The following HACE1 variants were observed in gnomAD, a reference collection of about 807,000 sequenced individuals.
HACE1 encodes E3 ubiquitin-protein ligase HACE1.
A neutral mutation model predicts 118.4 loss-of-function variants in HACE1; 73 were observed. That is an observed-to-expected ratio of 0.62 (90% CI 0.51 to 0.75). The LOEUF (loss-of-function observed/expected upper bound fraction) is 0.75, where lower values mean the gene tolerates loss of function less well. HACE1 is among the 30% of genes least tolerant of loss of function. HACE1 has a pLI of 0.00. For synonymous variants in HACE1, 368 were observed against 374.8 expected, an observed-to-expected ratio of 0.98 and a Z score of 0.21; for missense variants, 749 against 1,102.2, an observed-to-expected ratio of 0.68 and a Z score of 4.54.
chr6:104,733,619 G>C (rs1164150897), intron 22 of HACE1, among the ~76,000 whole-genome samples: 1 of 150,664 alleles, frequency 6.6e-6, no homozygotes, highest in Non-Finnish European at 1.5e-5. Flanking sequence ...TTGGGAGGTC[G>C]AGGCTGGTGG....
At chr6:104,852,451 C>T (rs893530059) in intron 1 of HACE1, 80 bp from the exon 2 acceptor site, 5 of 869,076 alleles carry the variant, frequency 5.8e-6, no homozygotes, top group Middle Eastern at 2.4e-4. Flanking sequence ...TAGAATTTTC[C>T]TAACTCTATA....
rs143236851 is a variant in HACE1 at position 104,851,485 on chromosome 6, G to A, written c.132-489C>T. On this transcript the variant is annotated intron_variant, in intron 2 of 23. Coordinates refer to ENST00000262903, the MANE Select transcript of HACE1 (RefSeq NM_020771.4). ...GCTCAGTATCATCCAAAAACCAAAC[G>A]CCTTGACCAATAAGCTGGTGCTGAA... is the stretch of plus-strand genomic sequence containing the variant. Among the ~76,000 whole-genome samples the A allele has an allele frequency of 4.7e-3, 723 of 152,212 alleles. 4 individuals are homozygous for A. The highest frequency in any genetic ancestry group is 0.012 in the South Asian group (57 of 4,820).
chr6:104,754,023 G>C (rs1348620222), intron 19 of HACE1, among the ~76,000 whole-genome samples: 1 of 152,116 alleles, frequency 6.6e-6, no homozygotes, highest in East Asian at 1.9e-4. Flanking sequence ...AACAATACAG[G>C]AGCTGACAGC....
intron 7 of HACE1, among the ~76,000 whole-genome samples, chr6:104,801,537 C>T (rs1383768286): frequency 6.6e-6 from 1 of 152,136 alleles, no homozygotes; most frequent in Non-Finnish European, 1.5e-5. Context: ...ACTCTACAAG[C>T]CAGAAGAGAG....
chr6:104,854,994 T>G (rs1020139369), intron 1 of HACE1, among the ~76,000 whole-genome samples: 1 of 152,222 alleles, frequency 6.6e-6, no homozygotes, highest in African/African-American at 2.4e-5. Context: ...AAGGCACTTT[T>G]CTAAACACTT....
chr6:104,770,774 G>A (rs778947018), intron 19 of HACE1, among the ~76,000 whole-genome samples: 2 of 152,002 alleles, frequency 1.3e-5, no homozygotes, highest in Non-Finnish European at 2.9e-5. Flanking sequence ...TCAAAAGGTC[G>A]AACAAACTTA....
At chr6:104,841,158 G>A (rs1775084270) in intron 5 of HACE1, among the ~76,000 whole-genome samples, 2 of 151,972 alleles carry the variant, frequency 1.3e-5, no homozygotes, top group South Asian at 4.2e-4. Flanking sequence ...GTTGTTTAGG[G>A]AGTGGGAAGT....
Position 104,808,126 on chromosome 6 carries a change from C to T in HACE1, c.617+3185G>A, listed in dbSNP as rs566145951. ...GCTTGAAGCCAGGAGGCAGAGATTG[C>T]AGTGAGCCAAGATCACGCCACTGCA... On this transcript the variant is annotated intron_variant, in intron 7 of 23. Transcript: ENST00000262903. Among the ~76,000 whole-genome samples, 9 of 151,780 alleles carry T rather than the reference C, an allele frequency of 5.9e-5. No homozygotes were observed. The East Asian group carries it at 1.7e-3, about 29-fold the overall frequency.
At chr6:104,752,061 T>C (rs750999433) in intron 19 of HACE1, among the ~76,000 whole-genome samples, 28 of 151,834 alleles carry the variant, frequency 1.8e-4, no homozygotes, top group Non-Finnish European at 3.4e-4. Context: ...GCTACAGAAG[T>C]GTCACAGTAG....
At chr6:104,738,187 C>A (rs1341168329) in intron 22 of HACE1, among the ~76,000 whole-genome samples, 1 of 152,074 alleles carries the variant, frequency 6.6e-6, no homozygotes, top group Non-Finnish European at 1.5e-5. Flanking sequence ...TCATCAAAGA[C>A]CATAAGTAGA....
chr6:104,771,705 GAAA>G (rs55710828), intron 18 of HACE1, among the ~76,000 whole-genome samples: 1 of 86,248 alleles, frequency 1.2e-5, no homozygotes, highest in Non-Finnish European at 2.4e-5. Flanking sequence ...CACAAAAATT[GAAA>G]AAAAAAAAAA....
Position 104,750,328 on chromosome 6 carries a change from TG to T in HACE1, c.2343+12del, listed in dbSNP as rs1307396729. On this transcript the variant is annotated intron_variant, in intron 20 of 23. Transcript: ENST00000262903. Reference sequence around the variant, plus strand: ...TGTTGTGTTACAACATAAGAACTGATGTTTTTCCTTACCAATTCATATTCAT... The same window carrying T: ...TGTTGTGTTACAACATAAGAACTGATTTTTTCCTTACCAATTCATATTCAT... 27 of 1,608,370 alleles carry T rather than the reference TG, an allele frequency of 1.7e-5. No homozygotes were observed. The highest frequency in any genetic ancestry group is 2.0e-5 in the Non-Finnish European group (24 of 1,175,170).
At chr6:104,791,764 A>G (rs1783053896) in intron 10 of HACE1, 110 bp from the exon 11 acceptor site, 1 of 705,132 alleles carries the variant, frequency 1.4e-6, no homozygotes, top group Admixed American at 2.4e-5. Context: ...TTATAATGTA[A>G]CTGGAGTACA....
chr6:104,738,639 G>T (rs1315505727), intron 22 of HACE1, among the ~76,000 whole-genome samples: 1 of 148,540 alleles, frequency 6.7e-6, no homozygotes, highest in Non-Finnish European at 1.5e-5. Flanking sequence ...AAAGAAATGA[G>T]CAAAGCCTCC....
At chr6:104,799,420 A>G (rs1027909680) in intron 7 of HACE1, among the ~76,000 whole-genome samples, 2 of 152,190 alleles carry the variant, frequency 1.3e-5, no homozygotes, top group Admixed American at 6.5e-5. Context: ...ACAAAAGCTC[A>G]TTACTTACAA....
At chr6:104,732,993 A>T (rs1775377252) in intron 22 of HACE1, among the ~76,000 whole-genome samples, 1 of 152,182 alleles carries the variant, frequency 6.6e-6, no homozygotes, top group African/African-American at 2.4e-5. Flanking sequence ...TATACAGAAG[A>T]CCTGGCTATA....
chr6:104,797,760 A>C (rs1458512342), intron 7 of HACE1, among the ~76,000 whole-genome samples: 1 of 152,046 alleles, frequency 6.6e-6, no homozygotes, highest in African/African-American at 2.4e-5. Flanking sequence ...AATTAATGTT[A>C]ACAGCTGATT....
At chr6:104,840,245 C>A (rs1160484186) in intron 5 of HACE1, among the ~76,000 whole-genome samples, 7 of 151,986 alleles carry the variant, frequency 4.6e-5, no homozygotes, top group African/African-American at 7.3e-5. Context: ...AAATGTTATG[C>A]AAGAAAGGAA....
At position 104,852,389 on chromosome 6, in the gene HACE1, A is replaced by AAACC; in HGVS notation, c.77-19_77-18insGGTT. The AAACC allele has an allele frequency of 1.0e-6, 1 of 976,124 alleles. No homozygotes were observed. The highest frequency in any genetic ancestry group is 1.4e-5 in the South Asian group (1 of 71,848). The allele number at this position is 976,124 out of a possible 1,614,324, so 60.5% of individuals were successfully genotyped here. ...TTCATTATCTGAGTAAAAAAAAACAAAGAGTTCATTTATCCCCTACTTTGT... is the reference window on the plus strand; with the variant it reads ...TTCATTATCTGAGTAAAAAAAAACAAAACCAGAGTTCATTTATCCCCTACTTTGT... On this transcript the variant is annotated intron_variant, in intron 1 of 23. Transcript: ENST00000262903.
Sources: gnomAD v4.1 joint callset for allele counts (sites outside exome capture counted in the v4.1 genomes callset) on GRCh38, gnomAD v4.1.1 for gene constraint, MANE v1.5 for transcripts, NCBI Gene and HGNC (gene_info 2026-07-23, HGNC 2026-07-21) for gene names.